Variants in OSBPL5 observed in about 807,000 individuals in gnomAD.
OSBPL5 encodes oxysterol-binding protein-related protein 5.
A neutral mutation model predicts 111.2 loss-of-function variants in OSBPL5; 71 were observed. The observed-to-expected ratio is 0.64, with a 90% CI of 0.53 to 0.78. OSBPL5 has a LOEUF of 0.78. Among genes scored for constraint, OSBPL5 ranks in the 30% least tolerant of loss-of-function variants. OSBPL5 has a pLI of 0.00. For synonymous variants in OSBPL5, 549 were observed against 513.9 expected (o/e 1.07, Z -0.93); for missense variants, 1,210 against 1,189.3 (o/e 1.02, Z -0.26).
chr11:3,123,345 T>C (rs1374204026), intron 3 of OSBPL5, among the ~76,000 whole-genome samples: 1 of 152,214 alleles, frequency 6.6e-6, no homozygotes, highest in Non-Finnish European at 1.5e-5. Flanking sequence ...TTCCACAGTT[T>C]TAATCAGTTG....
Position 3,104,879 on chromosome 11 carries a change from T to C in OSBPL5, c.1060-502A>G, listed in dbSNP as rs1285266654. Among the ~76,000 whole-genome samples, 1 of 152,178 alleles carries C rather than the reference T, an allele frequency of 6.6e-6. No individual in the cohort carries two copies. Among genetic ancestry groups the C allele is most frequent in the Admixed American group, 6.5e-5 (1 of 15,280 alleles). On this transcript the variant is annotated intron_variant, in intron 9 of 21. Transcript: ENST00000263650. This position sits in a 1 kb window ranked among gnomAD's most constrained non-coding sequence, Gnocchi z 5.0. ...AGGTCTGATTGATATACAGAAGCCT[T>C]CAGATATTGAATGTGGACAACTGGG...
chr11:3,144,797 G>A (rs1846282527), intron 1 of OSBPL5, among the ~76,000 whole-genome samples: 1 of 152,234 alleles, frequency 6.6e-6, no homozygotes. Context: ...CTGGCGGGAG[G>A]TCAGGCCTGG....
intron 1 of OSBPL5, among the ~76,000 whole-genome samples, chr11:3,156,583 T>C (rs1846765300): frequency 6.6e-6 from 1 of 152,204 alleles, no homozygotes. Context: ...ACGCAACTTG[T>C]AGCTGCTGAA....
rs115550107 is a variant in OSBPL5, at chr11:3,143,665, C to T, written c.-21-14496G>A. Among the ~76,000 whole-genome samples the T allele has an allele frequency of 2.2e-3, 331 of 152,362 alleles. 5 individuals are homozygous for T. Among genetic ancestry groups the T allele is most frequent in the African/African-American group, 7.7e-3 (319 of 41,580 alleles). ...TGTCCAGGACGGGCAGGTCTGGACA[C>T]GGAACGCAGACTGGTGCTTGCCAGG... On this transcript the variant is annotated intron_variant, in intron 1 of 21. Coordinates refer to ENST00000263650, the MANE Select transcript of OSBPL5 (RefSeq NM_020896.4).
chr11:3,135,962 C>T lies in OSBPL5; in HGVS notation c.-21-6793G>A, dbSNP rs114223273. ...CCAACCCCCACTGCATAGGCTGGAG[C>T]AGGCTCTTCCTTCCATTTCTCATGT... On this transcript the variant is annotated intron_variant, in intron 1 of 21. Coordinates refer to ENST00000263650, the MANE Select transcript of OSBPL5 (RefSeq NM_020896.4). Among the ~76,000 whole-genome samples, 1,206 of 152,320 alleles carry T rather than the reference C, an allele frequency of 7.9e-3. 15 individuals are homozygous for T. The highest frequency in any genetic ancestry group is 0.028 in the African/African-American group (1,159 of 41,556).
In OSBPL5 at chr11:3,154,524, G is replaced by A. The variant is rs1362706502; in HGVS notation, c.-22+10692C>T. ...AAGGCGTAAAACAGTCAAGATTCAA[G>A]CAGGTGAAATCTGAGAACACTGCAC... On this transcript the variant is annotated intron_variant, in intron 1 of 21. Transcript: ENST00000263650. The surrounding 1 kb of genome is among the most constrained non-coding windows in gnomAD (Gnocchi z 4.9). Among the ~76,000 whole-genome samples the A allele has an allele frequency of 6.6e-5, 10 of 152,234 alleles. No homozygotes were observed. The South Asian group carries it at 1.7e-3, about 25-fold the overall frequency.
Position 3,104,271 on chromosome 11 carries a change from A to G in OSBPL5, c.1166T>C (p.Leu389Pro). ...RPGMDLSRVV[L>P]PTFVLEPRSF... ...GCGCGGCTCCAGTACGAACGTGGGT[A>G]GCACCACGCGGGACAGGTCCATGCC... The change falls in exon 10 of 22, where the codon CTA becomes CCA. Residue 389 changes from leucine to proline, a missense_variant. Transcript: ENST00000263650. The surrounding 1 kb of genome is among the most constrained non-coding windows in gnomAD (Gnocchi z 5.0). 1.2e-6 allele frequency: 2 copies of G among 1,613,856 alleles called. No individual in the cohort carries two copies. The highest frequency in any genetic ancestry group is 8.5e-7 in the Non-Finnish European group (1 of 1,179,968).
At position 3,141,973 on chromosome 11, in the gene OSBPL5, C is replaced by T. The variant is rs1477818918; in HGVS notation, c.-21-12804G>A. On this transcript the variant is annotated intron_variant, in intron 1 of 21. Transcript: ENST00000263650. The surrounding 1 kb of genome is among the most constrained non-coding windows in gnomAD (Gnocchi z 6.5). ...TGTTGCCCAGACTGGAGTACAATGG[C>T]ACGATCTTGGCTCACTGCAACCTCT... Among the ~76,000 whole-genome samples, 1 of 152,194 alleles carries T rather than the reference C, an allele frequency of 6.6e-6. No individual in the cohort carries two copies. Among genetic ancestry groups the T allele is most frequent in the Non-Finnish European group, 1.5e-5 (1 of 68,042 alleles).
At chr11:3,124,333 T>C (rs1858524509) in intron 3 of OSBPL5, among the ~76,000 whole-genome samples, 1 of 151,912 alleles carries the variant, frequency 6.6e-6, no homozygotes, top group Admixed American at 6.6e-5. Context: ...TTGGAAGCAG[T>C]CTTTGGGCTG....
intron 13 of OSBPL5, among the ~76,000 whole-genome samples, chr11:3,100,842 C>A (rs1857427612): frequency 6.6e-6 from 1 of 152,190 alleles, no homozygotes; most frequent in Admixed American, 6.5e-5. Flanking sequence ...GTCTGCCAGG[C>A]CCCAGAGCAG....
chr11:3,107,573 C>G lies in OSBPL5; in HGVS notation c.867-118G>C. 1 of 1,380,828 alleles carries G rather than the reference C, an allele frequency of 7.2e-7. No homozygotes were observed. The highest frequency in any genetic ancestry group is 1.0e-6 in the Non-Finnish European group (1 of 994,424). The allele number at this position is 1,380,828 out of a possible 1,614,324, so 85.5% of individuals were successfully genotyped here. On this transcript the variant is annotated intron_variant, in intron 8 of 21. Coordinates refer to ENST00000263650, the MANE Select transcript of OSBPL5 (RefSeq NM_020896.4). The surrounding 1 kb of genome is among the most constrained non-coding windows in gnomAD (Gnocchi z 6.1). The stretch of plus-strand genomic sequence containing the variant: ...CATACGTTCCTGCCTGTCGTCACCT[C>G]CACAACCCACATTTGACACGATCAG...
intron 1 of OSBPL5, among the ~76,000 whole-genome samples, chr11:3,131,699 T>TATCCATCCATCCATCCTCCCATCC (rs1554902689): frequency 0.013 from 1,037 of 79,102 alleles, 32 homozygotes; most frequent in African/African-American, 0.04. Flanking sequence ...CCCATTCATC[T>TATCCATCCATCCATCCTCCCATCC]ATCCATCCAT....
chr11:3,128,397 G>T (rs1017979731), intron 2 of OSBPL5, among the ~76,000 whole-genome samples: 2 of 152,224 alleles, frequency 1.3e-5, no homozygotes, highest in African/African-American at 2.4e-5. Flanking sequence ...TTTTCTGGGG[G>T]ACAGCAGTCA....
chr11:3,118,660 C>T (rs1858294274), intron 7 of OSBPL5, among the ~76,000 whole-genome samples: 1 of 150,484 alleles, frequency 6.6e-6, no homozygotes, highest in Middle Eastern at 3.4e-3. Flanking sequence ...CAAACTCTGC[C>T]TCCTGGGTTC....
At chr11:3,111,377 G>C (rs1264457453) in intron 7 of OSBPL5, among the ~76,000 whole-genome samples, 1 of 151,890 alleles carries the variant, frequency 6.6e-6, no homozygotes, top group Non-Finnish European at 1.5e-5. Context: ...TCCCAGGATG[G>C]TGGAGATCTG....
chr11:3,160,351 C>T (rs1846918565), intron 1 of OSBPL5, among the ~76,000 whole-genome samples: 2 of 152,368 alleles, frequency 1.3e-5, no homozygotes, highest in Non-Finnish European at 1.5e-5. Flanking sequence ...AACCCGACTG[C>T]TGCGCCGTAT....
rs1238670992 is a variant in OSBPL5, at chr11:3,107,335, C to T, written c.987G>A (p.Gln329=). 23 of 1,614,006 alleles carry T rather than the reference C, an allele frequency of 1.4e-5. No individual in the cohort carries two copies. Among genetic ancestry groups the T allele is most frequent in the Non-Finnish European group, 1.9e-5 (23 of 1,179,988 alleles). The part of the protein sequence containing the change: ...HSRKTESGSD[Q]SETPGAPVRR... ...GCACCGGGGCCCCAGGGGTCTCTGACTGGTCGCTGCCACTCTCCGTCTTCC... is the reference window on the plus strand; with the variant it reads ...GCACCGGGGCCCCAGGGGTCTCTGATTGGTCGCTGCCACTCTCCGTCTTCC... Residue 329 remains glutamine (Q), a synonymous_variant, in exon 9 of 22, where the codon CAG becomes CAA. Coordinates refer to ENST00000263650, the MANE Select transcript of OSBPL5 (RefSeq NM_020896.4). The surrounding 1 kb of genome is among the most constrained non-coding windows in gnomAD (Gnocchi z 6.1).
chr11:3,130,246 T>C lies in OSBPL5; in HGVS notation c.-21-1077A>G, dbSNP rs1034943909. On this transcript the variant is annotated intron_variant, in intron 1 of 21. Coordinates refer to ENST00000263650, the MANE Select transcript of OSBPL5 (RefSeq NM_020896.4). This position sits in a 1 kb window ranked among gnomAD's most constrained non-coding sequence, Gnocchi z 4.5. ...GAGCATCCCCTCCAGCTTCTCATCT[T>C]GTGTCCACTTCCCAAGGGCGAGCTC... is the stretch of plus-strand genomic sequence containing the variant. 4.6e-5 allele frequency among the ~76,000 whole-genome samples: 7 copies of C among 152,250 alleles called. No homozygotes were observed. The highest frequency in any genetic ancestry group is 2.0e-4 in the Admixed American group (3 of 15,292).
rs1023544738 is a variant in OSBPL5, at chr11:3,141,209, T to C, written c.-21-12040A>G. Among the ~76,000 whole-genome samples, 2 of 152,244 alleles carry C rather than the reference T, an allele frequency of 1.3e-5. No homozygotes were observed. Among genetic ancestry groups the C allele is most frequent in the African/African-American group, 2.4e-5 (1 of 41,540 alleles). Reference sequence around the variant, plus strand: ...CGCCCAGCAGACAGTATCGTCATCATGTGTGATGCAGGGAGGGCACAGGAG... The same window carrying C: ...CGCCCAGCAGACAGTATCGTCATCACGTGTGATGCAGGGAGGGCACAGGAG... On this transcript the variant is annotated intron_variant, in intron 1 of 21. Transcript: ENST00000263650. The surrounding 1 kb of genome is among the most constrained non-coding windows in gnomAD (Gnocchi z 6.5).
Sources: gnomAD v4.1 joint callset for allele counts (sites outside exome capture counted in the v4.1 genomes callset) on GRCh38, gnomAD v4.1.1 for gene constraint, Gnocchi (gnomAD v3.1) non-coding constraint, MANE v1.5 for transcripts, NCBI Gene and HGNC (gene_info 2026-07-23, HGNC 2026-07-21) for gene names.